The following GABRA3 variants were observed in gnomAD, a reference collection of about 807,000 sequenced individuals.
The protein encoded by GABRA3 is gamma-aminobutyric acid type A receptor subunit alpha3, also known as gamma-aminobutyric acid receptor subunit alpha-3.
A neutral mutation model predicts 30.1 loss-of-function variants in GABRA3; 10 were observed. That is an observed-to-expected ratio of 0.33 (90% CI 0.20 to 0.56). The LOEUF is 0.56. GABRA3 is among the 20% of genes least tolerant of loss of function. The pLI, the probability that GABRA3 is intolerant of heterozygous loss-of-function variation, is 0.89. For synonymous variants in GABRA3, 151 were observed against 146.8 expected, an observed-to-expected ratio of 1.03 and a Z score of -0.21; for missense variants, 233 against 392.0, an observed-to-expected ratio of 0.59 and a Z score of 3.42.
chrX:152,197,836 A>G (rs746196866), intron 7 of GABRA3, 51 bp from the exon 8 acceptor site: 11 of 1,001,563 alleles, frequency 1.1e-5, no homozygotes, highest in Non-Finnish European at 1.5e-5. Flanking sequence ...ACATTGCTAA[A>G]TCAAGTTGGG....
chrX:152,188,773 A>G (rs965051493), intron 9 of GABRA3, among the ~76,000 whole-genome samples: 1 of 111,885 alleles, frequency 8.9e-6, no homozygotes, highest in South Asian at 3.7e-4. Context: ...CCTAATTTGA[A>G]AAATCATTAT....
rs748088176 is a variant in GABRA3, at chrX:152,417,428, G to A, written c.-27+33718C>T. 3.6e-5 allele frequency among the ~76,000 whole-genome samples: 4 copies of A among 110,388 alleles called. No homozygotes were observed. In the South Asian group the frequency reaches 1.6e-3, roughly 43 times the overall value. ...AGGAACACTTTTACACTGTTGGTGG[G>A]ACTGTAAATTAGTTCAACCACTGTG... On this transcript the variant is annotated intron_variant, in intron 1 of 9. Transcript: ENST00000370314.
chrX:152,357,721 T>G (rs1940573022), intron 2 of GABRA3, among the ~76,000 whole-genome samples: 1 of 112,060 alleles, frequency 8.9e-6, no homozygotes, highest in Admixed American at 9.5e-5. Context: ...AATGATATTT[T>G]CTAGATTATC....
chrX:152,370,714 C>T (rs1259290519), intron 1 of GABRA3, among the ~76,000 whole-genome samples: 2 of 111,394 alleles, frequency 1.8e-5, no homozygotes, highest in Non-Finnish European at 3.8e-5. Context: ...CAGCTCTATC[C>T]TAATCCATTT....
At chrX:152,415,973 AATG>A (rs57189627) in intron 1 of GABRA3, among the ~76,000 whole-genome samples, 18,630 of 110,408 alleles carry the variant, frequency 0.17, 1,472 homozygotes, top group Admixed American at 0.3. Flanking sequence ...CCAATTAAAT[AATG>A]ATGATTCATT....
At chrX:152,267,147 T>G (rs1938840278) in intron 4 of GABRA3, among the ~76,000 whole-genome samples, 1 of 112,350 alleles carries the variant, frequency 8.9e-6, no homozygotes, top group African/African-American at 3.2e-5. Flanking sequence ...AACTGTGGGT[T>G]TGTCATATAC....
At position 152,236,821 on chromosome X, in the gene GABRA3, C is replaced by T. The variant is rs1222811473; in HGVS notation, c.552-11976G>A. Among the ~76,000 whole-genome samples, 260 of 97,523 alleles carry T rather than the reference C, an allele frequency of 2.7e-3. 5 individuals are homozygous for T. Among genetic ancestry groups the T allele is most frequent in the African/African-American group, 8.2e-3 (222 of 27,207 alleles). The allele number at this position is 97,523 out of a possible 115,157, so 84.7% of individuals were successfully genotyped here. On this transcript the variant is annotated intron_variant, in intron 5 of 9. Coordinates refer to ENST00000370314, the MANE Select transcript of GABRA3 (RefSeq NM_000808.4). ...TTGAGAAGTGTCTGTTCATGTCTTT[C>T]GCCCACTTTTTGATGGGGTTGTTTG...
chrX:152,175,361 A>G lies in GABRA3; in HGVS notation c.1144-6798T>C, dbSNP rs751525856. ...ACAGTGTGGGACCTATGCTGGATAGAGAAGCAAGGAAAACATAGGAAATCA... is the reference window on the plus strand; with the variant it reads ...ACAGTGTGGGACCTATGCTGGATAGGGAAGCAAGGAAAACATAGGAAATCA... On this transcript the variant is annotated intron_variant, in intron 9 of 9. Coordinates refer to ENST00000370314, the MANE Select transcript of GABRA3 (RefSeq NM_000808.4). Among the ~76,000 whole-genome samples the G allele has an allele frequency of 4.5e-5, 5 of 110,297 alleles. No homozygotes were observed. In the South Asian group the frequency reaches 2.0e-3, roughly 44 times the overall value.
At chrX:152,295,403 G>A (rs1440417744) in intron 3 of GABRA3, among the ~76,000 whole-genome samples, 1 of 112,971 alleles carries the variant, frequency 8.9e-6, no homozygotes, top group Non-Finnish European at 1.9e-5. Flanking sequence ...CTCACCAATG[G>A]CAGATGCCCC....
intron 3 of GABRA3, among the ~76,000 whole-genome samples, chrX:152,303,548 A>T (rs756362012): frequency 8.9e-6 from 1 of 112,070 alleles, no homozygotes; most frequent in African/African-American, 3.2e-5. Context: ...AATAGCAAGG[A>T]CTTGTAACCA....
chrX:152,242,731 TAA>T (rs775438029), intron 5 of GABRA3, among the ~76,000 whole-genome samples: 2 of 111,919 alleles, frequency 1.8e-5, no homozygotes, highest in South Asian at 7.5e-4. Context: ...ATCAAAAAGA[TAA>T]AAGATAGGTG....
chrX:152,172,951 T>TACACACACAC (rs58184376), intron 9 of GABRA3, among the ~76,000 whole-genome samples: 45 of 102,601 alleles, frequency 4.4e-4, no homozygotes, highest in African/African-American at 1.4e-3. Flanking sequence ...CGAGTATGTG[T>TACACACACAC]ACACACACAC....
intron 1 of GABRA3, among the ~76,000 whole-genome samples, chrX:152,391,725 G>T (rs982564738): frequency 4.5e-5 from 5 of 111,445 alleles, no homozygotes; most frequent in Non-Finnish European, 9.4e-5. Flanking sequence ...TGCCAAAGGA[G>T]TAAAGGGTAT....
chrX:152,240,310 T>A (rs1202704023), intron 5 of GABRA3, among the ~76,000 whole-genome samples: 4 of 99,915 alleles, frequency 4.0e-5, no homozygotes, highest in Non-Finnish European at 7.7e-5. Context: ...TTTAAGAACG[T>A]TGAATATTGG....
At chrX:152,292,716 C>T (rs1339665111) in intron 3 of GABRA3, among the ~76,000 whole-genome samples, 1 of 111,424 alleles carries the variant, frequency 9.0e-6, no homozygotes, top group African/African-American at 3.3e-5. Context: ...CTACACACTG[C>T]TTTAAATGTG....
chrX:152,350,145 A>G (rs1940455805), intron 2 of GABRA3, among the ~76,000 whole-genome samples: 2 of 105,355 alleles, frequency 1.9e-5, no homozygotes, highest in African/African-American at 3.6e-5. Context: ...ACTCAGGATT[A>G]AGAATCTCAC....
Position 152,275,208 on chromosome X carries a change from A to ATTATATATATAATTTATATATATT in GABRA3, c.330+9459_330+9460insAATATATATAAATTATATATATAA, listed in dbSNP as rs751082409. ...AATATTATATATATAATTTATATAT[A>ATTATATATATAATTTATATATATT]TAATATTATATATATATAATTTATA... On this transcript the variant is annotated intron_variant, in intron 4 of 9. Coordinates refer to ENST00000370314, the MANE Select transcript of GABRA3 (RefSeq NM_000808.4). 5.3e-3 allele frequency among the ~76,000 whole-genome samples: 268 copies of ATTATATATATAATTTATATATATT among 50,832 alleles called. 13 individuals are homozygous for ATTATATATATAATTTATATATATT. Among genetic ancestry groups the ATTATATATATAATTTATATATATT allele is most frequent in the African/African-American group, 0.03 (225 of 7,439 alleles). The allele number at this position is 50,832 out of a possible 115,157, so 44.1% of individuals were successfully genotyped here.
At chrX:152,294,123 G>A (rs769514775) in intron 3 of GABRA3, among the ~76,000 whole-genome samples, 73 of 111,079 alleles carry the variant, frequency 6.6e-4, no homozygotes, top group African/African-American at 2.4e-3. Flanking sequence ...CTCTTCTTGA[G>A]GAGTATCTTT....
chrX:152,202,686 A>T (rs1373647378), intron 7 of GABRA3, among the ~76,000 whole-genome samples: 1 of 112,653 alleles, frequency 8.9e-6, no homozygotes, highest in Non-Finnish European at 1.9e-5. Flanking sequence ...GAAGCATCTC[A>T]TATCAATGAG....
Sources: allele counts gnomAD v4.1 joint callset (sites outside exome capture counted in the v4.1 genomes callset), GRCh38; gene constraint gnomAD v4.1.1; transcripts MANE v1.5; gene names NCBI Gene and HGNC (gene_info 2026-07-23, HGNC 2026-07-21).